MEGF10: variants seen among roughly 807,000 people sequenced by gnomAD.
MEGF10 encodes multiple EGF like domains 10, also known as multiple epidermal growth factor-like domains protein 10.
MEGF10 carries 86 observed loss-of-function variants against 147.5 expected under a neutral mutation model. That is an observed-to-expected ratio of 0.58 (90% CI 0.49 to 0.70). The LOEUF (loss-of-function observed/expected upper bound fraction) is 0.70. MEGF10 is among the 30% of genes least tolerant of loss of function. The pLI is 0.00. For missense variants in MEGF10, 1,329 were observed against 1,487.3 expected, an observed-to-expected ratio of 0.89 and a Z score of 1.75; for synonymous variants, 478 against 525.5, an observed-to-expected ratio of 0.91 and a Z score of 1.24.
At position 127,325,609 on chromosome 5, in the gene MEGF10, A is replaced by C. The variant is rs79632339; in HGVS notation, c.-18-5682A>C. ...ATGGTGTGCATCATGCTGATTGAAT[A>C]GGTCAGTTTGTGGCCATTTTCCATG... is the stretch of plus-strand genomic sequence containing the variant. On this transcript the variant is annotated intron_variant, in intron 1 of 24. Coordinates refer to ENST00000503335, the MANE Select transcript of MEGF10 (RefSeq NM_001256545.2). 2.3e-3 allele frequency among the ~76,000 whole-genome samples: 350 copies of C among 152,114 alleles called. 1 individual carries two copies. Among genetic ancestry groups the C allele is most frequent in the African/African-American group, 7.9e-3 (327 of 41,500 alleles).
intron 5 of MEGF10, among the ~76,000 whole-genome samples, chr5:127,377,099 A>T (rs998037713): frequency 6.6e-6 from 1 of 152,152 alleles, no homozygotes; most frequent in African/African-American, 2.4e-5. Context: ...CTCATTCATA[A>T]TCTTGTGAAT....
At chr5:127,446,751 T>C (rs931671329) in intron 20 of MEGF10, among the ~76,000 whole-genome samples, 5 of 152,160 alleles carry the variant, frequency 3.3e-5, no homozygotes, top group African/African-American at 1.2e-4. Context: ...CTGGTTTAAT[T>C]CTAATTGATC....
At chr5:127,327,714 CTT>C (rs11285616) in intron 1 of MEGF10, among the ~76,000 whole-genome samples, 3,479 of 122,890 alleles carry the variant, frequency 0.028, 67 homozygotes, top group East Asian at 0.12. Flanking sequence ...CTTTTCTTTT[CTT>C]TTTTTTTTTT....
intron 1 of MEGF10, among the ~76,000 whole-genome samples, chr5:127,315,113 A>G (rs2546087): frequency 0.64 from 97,657 of 151,954 alleles, 31,940 homozygotes; most frequent in Middle Eastern, 0.7. Flanking sequence ...AATGTCAGAG[A>G]TTGCAAAGCT....
chr5:127,272,987 G>T, the MEGF10 span, among the ~76,000 whole-genome samples: 3 of 152,216 alleles, frequency 2.0e-5, no homozygotes, highest in Admixed American at 2.0e-4. Context: ...CAAAATAGGG[G>T]TGGTGAGAGA....
the MEGF10 span, among the ~76,000 whole-genome samples, chr5:127,242,059 C>T: frequency 1.3e-5 from 2 of 152,096 alleles, no homozygotes; most frequent in Non-Finnish European, 2.9e-5. Context: ...GGGAGGGGAA[C>T]AATGCAGAAC....
chr5:127,317,487 T>G (rs528577262), intron 1 of MEGF10, among the ~76,000 whole-genome samples: 55 of 152,290 alleles, frequency 3.6e-4, no homozygotes, highest in Admixed American at 1.7e-3. Context: ...ATTAATTTTT[T>G]TATAAGGTGT....
chr5:127,420,347 T>C, intron 12 of MEGF10, 140 bp downstream of exon 12: 1 of 914,874 alleles, frequency 1.1e-6, no homozygotes, highest in Non-Finnish European at 1.6e-6. Context: ...ATCCAGGTAT[T>C]TGGATTCAAA....
the MEGF10 span, among the ~76,000 whole-genome samples, chr5:127,249,291 A>T: frequency 2.0e-5 from 3 of 151,986 alleles, no homozygotes; most frequent in Admixed American, 6.6e-5. Flanking sequence ...GACTGTGATA[A>T]GTTAAAAATA....
chr5:127,396,355 G>A (rs1279412438), intron 5 of MEGF10, among the ~76,000 whole-genome samples, 177 bp from the exon 6 acceptor site: 1 of 152,208 alleles, frequency 6.6e-6, no homozygotes, highest in African/African-American at 2.4e-5. Flanking sequence ...GTGACAGGAG[G>A]TGGCCCAGTT....
At chr5:127,360,156 A>G (rs926315570) in intron 4 of MEGF10, among the ~76,000 whole-genome samples, 1 of 151,966 alleles carries the variant, frequency 6.6e-6, no homozygotes, top group African/African-American at 2.4e-5. Flanking sequence ...AGCTTTTTTC[A>G]ATTCTTCTTT....
In MEGF10 at chr5:127,321,559, G is replaced by T. The variant is rs373699803; in HGVS notation, c.-18-9732G>T. Among the ~76,000 whole-genome samples, 27 of 152,218 alleles carry T rather than the reference G, an allele frequency of 1.8e-4. 1 individual carries two copies. The highest frequency in any genetic ancestry group is 6.5e-4 in the African/African-American group (27 of 41,548). ...AAATTCTTTTCCTCATAAGGTCTTT[G>T]TTCCTCTATGGGGTTTTCTTTTGAC... is the stretch of plus-strand genomic sequence containing the variant. On this transcript the variant is annotated intron_variant, in intron 1 of 24. Coordinates refer to ENST00000503335, the MANE Select transcript of MEGF10 (RefSeq NM_001256545.2).
the MEGF10 span, among the ~76,000 whole-genome samples, chr5:127,244,781 G>A: frequency 6.6e-6 from 1 of 152,024 alleles, no homozygotes; most frequent in Non-Finnish European, 1.5e-5. Context: ...GCAAATCAAA[G>A]CCTGGTTCAG....
At chr5:127,252,686 C>T in the MEGF10 span, among the ~76,000 whole-genome samples, 1 of 151,872 alleles carries the variant, frequency 6.6e-6, no homozygotes, top group Non-Finnish European at 1.5e-5. Flanking sequence ...GTGAGAGAGA[C>T]AGACTGCATT....
At chr5:127,246,216 C>A in the MEGF10 span, among the ~76,000 whole-genome samples, 1 of 152,102 alleles carries the variant, frequency 6.6e-6, no homozygotes, top group African/African-American at 2.4e-5. Flanking sequence ...AAATGCCCAT[C>A]AATGATAGAC....
chr5:127,416,024 TTTTTGTTTTTGG>T (rs1373070576), intron 9 of MEGF10, among the ~76,000 whole-genome samples: 27 of 149,970 alleles, frequency 1.8e-4, no homozygotes, highest in Non-Finnish European at 2.2e-4. Context: ...TTTGTTTTTG[TTTTTGTTTTTGG>T]TTTTGTTTTT....
chr5:127,396,432 G>T, intron 5 of MEGF10, 100 bp from the exon 6 acceptor site: 1 of 1,355,538 alleles, frequency 7.4e-7, no homozygotes, highest in Admixed American at 2.5e-5. Flanking sequence ...TCCAGCTAAT[G>T]AATGGCCATG....
At chr5:127,349,858 A>G (rs1762028994) in intron 4 of MEGF10, among the ~76,000 whole-genome samples, 1 of 152,080 alleles carries the variant, frequency 6.6e-6, no homozygotes, top group African/African-American at 2.4e-5. Flanking sequence ...ACTAGTTTCA[A>G]ATTAGATTAG....
In MEGF10 at chr5:127,410,480, G is replaced by C; in HGVS notation, c.1009G>C (p.Gly337Arg). Residue 337 changes from glycine to arginine, a missense_variant, in exon 9 of 25, where the codon GGC (glycine) becomes CGC (arginine). Physicochemically the swap from Gly to Arg is moderately radical, Grantham distance 125. Transcript: ENST00000503335. ...CGGAGGGAAGTGTTACCACGTGAGC[G>C]GCGCATGCCTCTGTGAAGCAGGCTT... ...VNGGKCYHVS[G>R]ACLCEAGFAG... 6.2e-7 allele frequency: 1 copy of C among 1,614,190 alleles called. No individual in the cohort carries two copies. Among genetic ancestry groups the C allele is most frequent in the Non-Finnish European group, 8.5e-7 (1 of 1,180,042 alleles).
Sources: allele counts gnomAD v4.1 joint callset (sites outside exome capture counted in the v4.1 genomes callset), GRCh38; gene constraint gnomAD v4.1.1; transcripts MANE v1.5; gene names NCBI Gene and HGNC (gene_info 2026-07-23, HGNC 2026-07-21).